The following LRRC37B variants were observed in gnomAD, a reference collection of about 807,000 sequenced individuals.
The protein encoded by LRRC37B is leucine rich repeat containing 37B, also known as leucine-rich repeat-containing protein 37B.
A neutral mutation model predicts 98.3 loss-of-function variants in LRRC37B; 28 were observed. The ratio of observed to expected loss-of-function variants is 0.28; its 90% CI spans 0.21 to 0.39. The LOEUF is 0.39. Ranked by LOEUF, LRRC37B falls within the 10% of genes least tolerant of loss-of-function variation. The pLI, the probability that LRRC37B is intolerant of heterozygous loss-of-function variation, is 1.00. For synonymous variants in LRRC37B, 364 were observed against 442.7 expected, an observed-to-expected ratio of 0.82 and a Z score of 2.23; for missense variants, 938 against 1,182.7, an observed-to-expected ratio of 0.79 and a Z score of 3.03.
intron 5 of LRRC37B, chr17:32,034,027 T>G (rs1241485923): frequency 6.6e-6 from 1 of 152,164 alleles, no homozygotes; most frequent in African/African-American, 2.4e-5. Flanking sequence ...ACATGCAGTG[T>G]AACGAAGGCT....
At chr17:32,008,408 C>T (rs1429116383) in intron 1 of LRRC37B, among the ~76,000 whole-genome samples, 2 of 152,284 alleles carry the variant, frequency 1.3e-5, no homozygotes, top group Non-Finnish European at 2.9e-5. Flanking sequence ...AAATTTGTGC[C>T]AGTGCAGTGT....
chr17:32,008,381 C>T (rs759698061), intron 1 of LRRC37B, among the ~76,000 whole-genome samples: 1 of 152,210 alleles, frequency 6.6e-6, no homozygotes, highest in Non-Finnish European at 1.5e-5. Flanking sequence ...CCCCCCAACT[C>T]CCTTTTTTTC....
exon 4 of LRRC37B, chr17:32,030,710 A>G (rs776029188): frequency 1.4e-6 from 2 of 1,460,188 alleles, no homozygotes; most frequent in Admixed American, 2.0e-5. Context: ...TTGAATCACT[A>G]CCATTTTTGC....
At chr17:32,012,487 C>T (rs1361909318) in intron 1 of LRRC37B, among the ~76,000 whole-genome samples, 6 of 144,768 alleles carry the variant, frequency 4.1e-5, no homozygotes, top group Non-Finnish European at 6.1e-5. Context: ...GAGGCCAAGG[C>T]GGGTGGATCA....
At chr17:32,051,198 T>C (rs1259403165) in intron 11 of LRRC37B, 1 of 152,102 alleles carries the variant, frequency 6.6e-6, no homozygotes. Flanking sequence ...CTTCCCTGAA[T>C]AGGCCAGGTG....
intron 7 of LRRC37B, chr17:32,041,259 GTCCCCAAGATTGCAGCTTCA>G (rs765232066): frequency 4.0e-5 from 31 of 766,910 alleles, no homozygotes; most frequent in South Asian, 2.6e-4. Context: ...CTGCACCACA[GTCCCCAAGATTGCAGCTTCA>G]TCCCCTTTCC....
chr17:32,012,372 C>G (rs768923875), intron 1 of LRRC37B, among the ~76,000 whole-genome samples: 81 of 152,194 alleles, frequency 5.3e-4, no homozygotes, highest in Non-Finnish European at 1.8e-4. Context: ...TTATTTGACC[C>G]CTTTATCATT....
At chr17:32,022,338 C>T in exon 1 of LRRC37B, 3 of 1,614,002 alleles carry the variant, frequency 1.9e-6, no homozygotes, top group Non-Finnish European at 2.5e-6. Context: ...TGAGGTGACA[C>T]TTCCACCTTC....
At chr17:32,015,564 A>C (rs1346921556) in intron 1 of LRRC37B, among the ~76,000 whole-genome samples, 1 of 152,192 alleles carries the variant, frequency 6.6e-6, no homozygotes, top group Non-Finnish European at 1.5e-5. Context: ...TTATACAGAG[A>C]GTTGTCTTTT....
At chr17:32,037,351 G>T in intron 7 of LRRC37B, among the ~76,000 whole-genome samples, 1 of 151,268 alleles carries the variant, frequency 6.6e-6, no homozygotes. Context: ...CTGCAACCTC[G>T]GCCTCCCAGG....
rs1161622449 is a variant in LRRC37B, at chr17:32,021,099, AG to A, written c.37del (p.Ala13LeufsTer10). The A allele has an allele frequency of 6.2e-7, 1 of 1,613,050 alleles. No homozygotes were observed. Among genetic ancestry groups the A allele is most frequent in the South Asian group, 1.1e-5 (1 of 91,072 alleles). ...CGCTTATAAGGGGCATGAGCATCTC[AG>A]GGCTGCCAGAATGGCTTTTGCTGAG... On this transcript the variant is annotated frameshift_variant, in exon 1 of 12. Transcript: ENST00000327564. LOFTEE classifies it high-confidence loss of function.
intron 1 of LRRC37B, among the ~76,000 whole-genome samples, chr17:32,010,565 A>C (rs1910503132): frequency 6.6e-6 from 1 of 152,212 alleles, no homozygotes; most frequent in South Asian, 2.1e-4. Flanking sequence ...ATTTTGATAG[A>C]TTCATACAAT....
chr17:32,032,552 A>G (rs907726444), intron 5 of LRRC37B, among the ~76,000 whole-genome samples: 26 of 152,174 alleles, frequency 1.7e-4, no homozygotes, highest in African/African-American at 5.8e-4. Flanking sequence ...ATTCTCCTCT[A>G]CATCTGACTT....
At chr17:32,046,585 CTTTTTCTT>C (rs1276498284) in intron 8 of LRRC37B, among the ~76,000 whole-genome samples, 12 of 148,950 alleles carry the variant, frequency 8.1e-5, no homozygotes, top group East Asian at 2.0e-4. Context: ...TTTTTCAAAA[CTTTTTCTT>C]TTTTTCTTTT....
Position 32,024,673 on chromosome 17 carries a change from C to T in LRRC37B, c.1761-38C>T, listed in dbSNP as rs188732402. On this transcript the variant is annotated intron_variant, in intron 1 of 11. Coordinates refer to ENST00000327564, the Ensembl canonical transcript of LRRC37B. Reference sequence around the variant, plus strand: ...TTTTATTTATCCTGTTCATTCTTTGCGTGCCTATTCAAGGATATAAACTGT... The same window carrying T: ...TTTTATTTATCCTGTTCATTCTTTGTGTGCCTATTCAAGGATATAAACTGT... The T allele has an allele frequency of 7.2e-4, 1,160 of 1,606,114 alleles. 9 individuals are homozygous for T. In the East Asian group the frequency reaches 0.019, roughly 26 times the overall value.
At chr17:32,041,065 T>G in intron 7 of LRRC37B, 1 of 766,900 alleles carries the variant, frequency 1.3e-6, no homozygotes, top group Non-Finnish European at 2.4e-6. Context: ...GTGAGTCAAC[T>G]CCGGGCCCTG....
chr17:32,022,610 C>T, exon 1 of LRRC37B: 2 of 1,614,032 alleles, frequency 1.2e-6, no homozygotes, highest in Non-Finnish European at 8.5e-7. Context: ...TGACTGAAGT[C>T]ACAGGTCCAC....
At chr17:32,007,418 G>T (rs996590043), upstream of LRRC37B, among the ~76,000 whole-genome samples, 1 of 152,140 alleles carries the variant, frequency 6.6e-6, no homozygotes, top group African/African-American at 2.4e-5. The surrounding 1 kb of genome is among the most constrained non-coding windows in gnomAD (Gnocchi z 4.1). Context: ...ACAAGGTGGC[G>T]GTTGAAGGCG....
intron 2 of LRRC37B, among the ~76,000 whole-genome samples, chr17:32,027,024 GAAATT>G (rs748243835): frequency 8.5e-5 from 13 of 152,158 alleles, no homozygotes; most frequent in South Asian, 2.1e-4. Flanking sequence ...CCCTGTCTCA[GAAATT>G]AAATTAAATT....
Sources: allele counts gnomAD v4.1 joint callset (sites outside exome capture counted in the v4.1 genomes callset), GRCh38; gene constraint gnomAD v4.1.1; non-coding constraint Gnocchi (gnomAD v3.1); transcripts MANE v1.5; gene names NCBI Gene and HGNC (gene_info 2026-07-23, HGNC 2026-07-21).